The following ZAN variants were observed in gnomAD, a reference collection of about 807,000 sequenced individuals.
The protein encoded by ZAN is zonadhesin (gene/pseudogene).
A neutral mutation model predicts 286.2 loss-of-function variants in ZAN; 260 were observed. The observed-to-expected ratio is 0.91, with a 90% CI of 0.82 to 1.01. The LOEUF (loss-of-function observed/expected upper bound fraction) is 1.01, where lower values mean the gene tolerates loss of function less well. Among genes scored for constraint, ZAN ranks in the 50% least tolerant of loss-of-function variants. The pLI is 0.00. For synonymous variants in ZAN, 1,368 were observed against 1,417.5 expected (o/e 0.97, Z 0.79); for missense variants, 3,410 against 3,639.2 (o/e 0.94, Z 1.62).
chr7:100,765,100 C>G (rs113350683), intron 22 of ZAN, among the ~76,000 whole-genome samples: 1 of 152,154 alleles, frequency 6.6e-6, no homozygotes, highest in Non-Finnish European at 1.5e-5. Flanking sequence ...TACACAGCAG[C>G]GCTGCCAGTG....
At position 100,765,509 on chromosome 7, in the gene ZAN, T is replaced by G; in HGVS notation, c.4425T>G (p.Pro1475=). The G allele has an allele frequency of 6.2e-7, 1 of 1,611,474 alleles. No individual in the cohort carries two copies. Among genetic ancestry groups the G allele is most frequent in the Non-Finnish European group, 8.5e-7 (1 of 1,178,862 alleles). ...GFVLSGLECI[P]RSQCGCLHPA... Reference sequence around the variant, plus strand: ...TCCTCAGTGGCCTCGAGTGCATACCTCGCTCCCAGTGTGGGTGCCTCCACC... The same window carrying G: ...TCCTCAGTGGCCTCGAGTGCATACCGCGCTCCCAGTGTGGGTGCCTCCACC... Residue 1475 remains proline, a synonymous_variant, in exon 23 of 48, where the codon CCT becomes CCG. Coordinates refer to ENST00000613979, the MANE Select transcript of ZAN (RefSeq NM_003386.3).
chr7:100,738,120 C>T lies in ZAN; in HGVS notation c.614-341C>T, dbSNP rs945567644. On this transcript the variant is annotated intron_variant, in intron 6 of 47. Coordinates refer to ENST00000613979, the MANE Select transcript of ZAN (RefSeq NM_003386.3). Reference sequence around the variant, plus strand: ...TACAGGTGCCCACCACCATGCCTGGCTAATTTTTGTATGTTTAGTAGAGCC... The same window carrying T: ...TACAGGTGCCCACCACCATGCCTGGTTAATTTTTGTATGTTTAGTAGAGCC... Among the ~76,000 whole-genome samples the T allele has an allele frequency of 3.6e-5, 5 of 139,748 alleles. 1 individual carries two copies. Among genetic ancestry groups the T allele is most frequent in the African/African-American group, 7.9e-5 (3 of 38,140 alleles). The allele number at this position is 139,748 out of a possible 152,430, so 91.7% of individuals were successfully genotyped here.
In ZAN at chr7:100,771,965, G is replaced by A. The variant is rs184998547; in HGVS notation, c.5370G>A (p.Ala1790=). Residue 1790 remains alanine (A), a synonymous_variant, in exon 29 of 48, where the codon GCG becomes GCA. Coordinates refer to ENST00000613979, the MANE Select transcript of ZAN (RefSeq NM_003386.3). The part of the protein sequence containing the change: ...TALCRSLQAY[A]SLCAQAGQAP... ...TGTGCCGCTCCCTGCAGGCCTACGC[G>A]TCCCTGTGTGCCCAGGCTGGCCAGG... The A allele has an allele frequency of 2.2e-5, 35 of 1,609,750 alleles. No homozygotes were observed. Among genetic ancestry groups the A allele is most frequent in the Non-Finnish European group, 2.6e-5 (31 of 1,179,260 alleles).
At chr7:100,759,668 G>C in intron 17 of ZAN, 53 bp from the exon 18 acceptor site, 1 of 1,534,464 alleles carries the variant, frequency 6.5e-7, no homozygotes, top group Admixed American at 2.0e-5. Context: ...ACTGCTCGCG[G>C]CAGATGTTCA....
At chr7:100,783,785 C>CACAA (rs1562952365) in intron 35 of ZAN, among the ~76,000 whole-genome samples, 1 of 8,232 alleles carries the variant, frequency 1.2e-4, no homozygotes, top group Non-Finnish European at 3.9e-4. Flanking sequence ...TATATATATA[C>CACAA]ACATATATAT....
In ZAN at chr7:100,789,418, A is replaced by G. The variant is rs983261260; in HGVS notation, c.7357+71A>G. The G allele has an allele frequency of 6.3e-6, 10 of 1,585,298 alleles. No individual in the cohort carries two copies. The African/African-American group carries it at 1.2e-4, about 19-fold the overall frequency. ...AGTGGGAGGGAAAATCCTATTTAAG[A>G]CAGGCAAATCCTGGTGAGCAGACTC... On this transcript the variant is annotated intron_variant, in intron 39 of 47. Coordinates refer to ENST00000613979, the MANE Select transcript of ZAN (RefSeq NM_003386.3).
chr7:100,776,893 C>G (rs531424588), intron 34 of ZAN, among the ~76,000 whole-genome samples: 5 of 141,786 alleles, frequency 3.5e-5, no homozygotes, highest in African/African-American at 1.3e-4. Context: ...CCACCGCGCC[C>G]GGCTAATTTT....
chr7:100,744,497 C>T (rs1291635444), intron 7 of ZAN, among the ~76,000 whole-genome samples: 2 of 151,080 alleles, frequency 1.3e-5, no homozygotes, highest in Non-Finnish European at 3.0e-5. Flanking sequence ...ACTCGGGAGG[C>T]TGAGGCAGGA....
rs750435934 is a variant in ZAN at position 100,736,969 on chromosome 7, G to A, written c.414G>A (p.Ser138=). The part of the protein sequence containing the change: ...WGAQLRLLLL[S]GEEGRRPDVL... ...CCCAGCTCAGGCTGCTGCTGCTCTCGGGTGAAGAGGGCCGCCGCCCCGATG... is the reference window on the plus strand; with the variant it reads ...CCCAGCTCAGGCTGCTGCTGCTCTCAGGTGAAGAGGGCCGCCGCCCCGATG... Residue 138 remains serine (S), a synonymous_variant, in exon 5 of 48, where the codon TCG becomes TCA. Coordinates refer to ENST00000613979, the MANE Select transcript of ZAN (RefSeq NM_003386.3). 1.1e-5 allele frequency: 16 copies of A among 1,503,910 alleles called. 4 individuals are homozygous for A. The East Asian group carries it at 1.2e-4, about 11-fold the overall frequency. The allele number at this position is 1,503,910 out of a possible 1,614,324, so 93.2% of individuals were successfully genotyped here.
chr7:100,763,368 T>C lies in ZAN; in HGVS notation c.3987-438T>C, dbSNP rs76806234. 0.014 allele frequency among the ~76,000 whole-genome samples: 2,087 copies of C among 151,942 alleles called. 97 individuals carry two copies. The South Asian group carries it at 0.14, about 10-fold the overall frequency. ...TTCAGTTGCTCAATATTCTTTTTTGTTTGTTTGTTTGTTTGTTTTTAGAGA... is the reference window on the plus strand; with the variant it reads ...TTCAGTTGCTCAATATTCTTTTTTGCTTGTTTGTTTGTTTGTTTTTAGAGA... On this transcript the variant is annotated intron_variant, in intron 20 of 47. Coordinates refer to ENST00000613979, the MANE Select transcript of ZAN (RefSeq NM_003386.3). The surrounding 1 kb of genome is among the most constrained non-coding windows in gnomAD (Gnocchi z 4.6).
In ZAN at chr7:100,750,703, G is replaced by GCGC. The variant is rs1273953423; in HGVS notation, c.1330_1332dup (p.Ala444dup). 1 of 1,613,190 alleles carries GCGC rather than the reference G, an allele frequency of 6.2e-7. No individual in the cohort carries two copies. The highest frequency in any genetic ancestry group is 1.1e-5 in the South Asian group (1 of 90,882). ...GTCAGACTGGTGAGCCGGCCCTTCTGCGCCCCAGGTGACATCTGCGTGGAG... is the reference window on the plus strand; with the variant it reads ...GTCAGACTGGTGAGCCGGCCCTTCTGCGCCGCCCCAGGTGACATCTGCGTGGAG... On this transcript the variant is annotated inframe_insertion, in exon 12 of 48. Coordinates refer to ENST00000613979, the MANE Select transcript of ZAN (RefSeq NM_003386.3).
In ZAN at chr7:100,750,213, T is replaced by G. The variant is rs192426167; in HGVS notation, c.1250-412T>G. ...GTGCAGTGACGTGATCTTGGCTCAC[T>G]GCAACCTCCACCTCCGGAGTTCAAG... On this transcript the variant is annotated intron_variant, in intron 11 of 47. Coordinates refer to ENST00000613979, the MANE Select transcript of ZAN (RefSeq NM_003386.3). Among the ~76,000 whole-genome samples the G allele has an allele frequency of 4.0e-3, 611 of 150,888 alleles. 4 individuals are homozygous for G. The highest frequency in any genetic ancestry group is 0.014 in the African/African-American group (572 of 41,248).
rs531790131 is a variant in ZAN at position 100,758,419 on chromosome 7, G to A, written c.3451+76G>A. 3.4e-4 allele frequency: 541 copies of A among 1,589,092 alleles called. 7 individuals are homozygous for A. In the African/African-American group the frequency reaches 6.0e-3, roughly 18 times the overall value. On this transcript the variant is annotated intron_variant, in intron 16 of 47. Transcript: ENST00000613979. The stretch of plus-strand genomic sequence containing the variant: ...CGTGACGCCAGGATCCCAATCCCTC[G>A]CTTGAGCAGAGGATTGGGGGCCTGC...
chr7:100,792,219 C>G, intron 41 of ZAN, 71 bp downstream of exon 41: 1 of 1,504,962 alleles, frequency 6.6e-7, no homozygotes, highest in East Asian at 2.4e-5. Flanking sequence ...GGGCCTCCTG[C>G]CCGCTTCCTG....
At chr7:100,746,274 C>G (rs555794447) in intron 7 of ZAN, among the ~76,000 whole-genome samples, 20 of 152,238 alleles carry the variant, frequency 1.3e-4, no homozygotes, top group African/African-American at 4.1e-4. Context: ...AGAGTTAGCA[C>G]CCAAAGGTCA....
chr7:100,768,778 G>T (rs761194926), intron 27 of ZAN, 57 bp downstream of exon 27: 15 of 1,462,104 alleles, frequency 1.0e-5, no homozygotes, highest in Non-Finnish European at 1.3e-5. Flanking sequence ...AAGGGCCTCG[G>T]GGGGCAGCTT....
In ZAN at chr7:100,755,460, C is replaced by T. The variant is rs751515371; in HGVS notation, c.3309+50C>T. The T allele has an allele frequency of 4.4e-6, 7 of 1,585,490 alleles. No homozygotes were observed. In the Admixed American group the frequency reaches 1.0e-4, roughly 23 times the overall value. On this transcript the variant is annotated intron_variant, in intron 15 of 47. Coordinates refer to ENST00000613979, the MANE Select transcript of ZAN (RefSeq NM_003386.3). The stretch of plus-strand genomic sequence containing the variant: ...CCCATGAGGGAGATTGATGGCAGAA[C>T]ACCTGGGTTCCAGCTCCATCTGCTC...
At chr7:100,776,411 A>G in intron 33 of ZAN, 29 bp from the exon 34 acceptor site, 1 of 1,594,200 alleles carries the variant, frequency 6.3e-7, no homozygotes, top group Non-Finnish European at 8.5e-7. Context: ...GTGCTTCCCC[A>G]GCACCGAAAA....
At position 100,765,676 on chromosome 7, in the gene ZAN, G is replaced by A. The variant is rs1052709392; in HGVS notation, c.4470+122G>A. The A allele has an allele frequency of 3.1e-6, 4 of 1,278,108 alleles. No homozygotes were observed. In the South Asian group the frequency reaches 4.6e-5, roughly 15 times the overall value. 79.2% of individuals were successfully genotyped at this position (1,278,108 alleles called of 1,614,324 possible). A position where few individuals can be genotyped will look rare whatever the true frequency, so the allele number is the denominator to read the frequency against. ...TGTTTTGTTTTGTTTTTGAGACGGA[G>A]TTTTGCTCTGTCGCCAGGCTGGAGT... On this transcript the variant is annotated intron_variant, in intron 23 of 47. Coordinates refer to ENST00000613979, the MANE Select transcript of ZAN (RefSeq NM_003386.3).
Sources: allele counts gnomAD v4.1 joint callset (sites outside exome capture counted in the v4.1 genomes callset), GRCh38; gene constraint gnomAD v4.1.1; non-coding constraint Gnocchi (gnomAD v3.1); transcripts MANE v1.5; gene names NCBI Gene and HGNC (gene_info 2026-07-23, HGNC 2026-07-21).